The following ATAD5 variants were observed in gnomAD, a reference collection of about 807,000 sequenced individuals.
ATAD5 encodes ATPase family AAA domain-containing protein 5.
In ATAD5, 58 loss-of-function variants were observed where a neutral mutation model predicts 176.9. The observed-to-expected ratio is 0.33, with a 90% CI of 0.27 to 0.41. The LOEUF (loss-of-function observed/expected upper bound fraction) is 0.41, where lower values mean the gene tolerates loss of function less well. ATAD5 is among the 10% of genes least tolerant of loss of function. ATAD5 has a pLI of 1.00. For synonymous variants in ATAD5, 640 were observed against 712.6 expected (o/e 0.90, Z 1.62); for missense variants, 1,789 against 2,094.1 (o/e 0.85, Z 2.84).
intron 8 of ATAD5, among the ~76,000 whole-genome samples, chr17:30,857,445 A>C (rs1907349536): frequency 6.6e-6 from 1 of 152,026 alleles, no homozygotes; most frequent in African/African-American, 2.4e-5. Context: ...TGAACTCCCT[A>C]CTTCAGGTGA....
chr17:30,833,139 T>C (rs1333894813), intron 1 of ATAD5, among the ~76,000 whole-genome samples: 1 of 152,206 alleles, frequency 6.6e-6, no homozygotes, highest in Non-Finnish European at 1.5e-5. Flanking sequence ...CTGCGACCAG[T>C]TGTTTTTTTC....
At chr17:30,859,862 T>G (rs1907516203) in intron 9 of ATAD5, among the ~76,000 whole-genome samples, 1 of 146,622 alleles carries the variant, frequency 6.8e-6, no homozygotes, top group Admixed American at 7.1e-5. Flanking sequence ...TAGCTGAGAT[T>G]ACAGGCACAC....
chr17:30,850,833 T>TA (rs1906849991), intron 6 of ATAD5, among the ~76,000 whole-genome samples: 488 of 27,718 alleles, frequency 0.018, 22 homozygotes, highest in African/African-American at 0.04. Context: ...TTATATATTT[T>TA]TATATATATA....
Position 30,858,154 on chromosome 17 carries a change from A to G in ATAD5, c.2794-7A>G. On this transcript the variant is annotated splice_polypyrimidine_tract_variant and splice_region_variant and intron_variant, in intron 8 of 22. Transcript: ENST00000321990. ...TCTGTTATTGTGCATTTTATTCTTTATTGCAGTTCATGAGGACAAGGAAGG... is the reference window on the plus strand; with the variant it reads ...TCTGTTATTGTGCATTTTATTCTTTGTTGCAGTTCATGAGGACAAGGAAGG... 1 of 1,531,626 alleles carries G rather than the reference A, an allele frequency of 6.5e-7. No homozygotes were observed. Among genetic ancestry groups the G allele is most frequent in the Non-Finnish European group, 8.8e-7 (1 of 1,140,432 alleles). 94.9% of individuals were successfully genotyped at this position (1,531,626 alleles called of 1,614,324 possible). A position where few individuals can be genotyped will look rare whatever the true frequency, so the allele number is the denominator to read the frequency against.
intron 4 of ATAD5, among the ~76,000 whole-genome samples, chr17:30,842,892 C>T (rs1906217270): frequency 6.6e-6 from 1 of 152,036 alleles, no homozygotes; most frequent in Non-Finnish European, 1.5e-5. Flanking sequence ...TACAGGCATG[C>T]ACCATCACAC....
chr17:30,886,212 T>A lies in ATAD5; in HGVS notation c.4078-980T>A, dbSNP rs76779893. On this transcript the variant is annotated intron_variant, in intron 18 of 22. Transcript: ENST00000321990. ...GAATTGTCTTTGTTAGCTTTAAGTATTAAGGTTAAGCTGCCCTCAAAAAGA... is the reference window on the plus strand; with the variant it reads ...GAATTGTCTTTGTTAGCTTTAAGTAATAAGGTTAAGCTGCCCTCAAAAAGA... Among the ~76,000 whole-genome samples the A allele has an allele frequency of 7.3e-3, 1,109 of 151,408 alleles. 43 individuals are homozygous for A. Among genetic ancestry groups the A allele is most frequent in the Admixed American group, 0.055 (828 of 15,188 alleles).
Position 30,857,112 on chromosome 17 carries a change from G to C in ATAD5, c.2793G>C (p.Val931=), listed in dbSNP as rs1907333107. The stretch of plus-strand genomic sequence containing the variant: ...TGAAAAGCGGTAACTCTGCTGCTGT[G>C]GTAAGTATTAAATAGTTCATCCATT... ...SKLKSGNSAA[V]FMRTRKEFTE... is the part of the protein sequence containing the mutation. The change falls in exon 8 of 23, where the codon GTG becomes GTC. Residue 931 remains valine (V), a splice_region_variant and synonymous_variant. Transcript: ENST00000321990. The C allele has an allele frequency of 2.5e-6, 4 of 1,607,870 alleles. No homozygotes were observed. The highest frequency in any genetic ancestry group is 2.5e-6 in the Non-Finnish European group (3 of 1,178,578).
At chr17:30,852,597 T>C (rs968879861) in intron 6 of ATAD5, among the ~76,000 whole-genome samples, 42 of 152,300 alleles carry the variant, frequency 2.8e-4, no homozygotes, top group African/African-American at 1.0e-3. Flanking sequence ...GGCTCACAGC[T>C]CTGTAGATTG....
intron 6 of ATAD5, among the ~76,000 whole-genome samples, chr17:30,848,623 C>T (rs1302681226): frequency 6.6e-6 from 1 of 152,144 alleles, no homozygotes; most frequent in African/African-American, 2.4e-5. Flanking sequence ...GTGAAACCAC[C>T]ATAATCAAGA....
At chr17:30,856,335 A>G (rs1401946910) in intron 7 of ATAD5, among the ~76,000 whole-genome samples, 1 of 152,182 alleles carries the variant, frequency 6.6e-6, no homozygotes, top group Non-Finnish European at 1.5e-5. Context: ...AAGATTTAGG[A>G]TCTCGCCAGT....
chr17:30,893,341 T>C lies in ATAD5; in HGVS notation c.4488T>C (p.Leu1496=), dbSNP rs1195880592. The C allele has an allele frequency of 6.3e-7, 1 of 1,590,228 alleles. No individual in the cohort carries two copies. Among genetic ancestry groups the C allele is most frequent in the African/African-American group, 1.4e-5 (1 of 73,682 alleles). The part of the protein sequence containing the change: ...KEEWHKFIQL[L]TEFQMRNVDF... ...AATGGCATAAATTCATCCAGCTTCT[T>C]ACAGAATTCCAAATGCGGAATGTAG... Residue 1496 remains leucine, a synonymous_variant, in exon 21 of 23, where the codon CTT becomes CTC. Coordinates refer to ENST00000321990, the MANE Select transcript of ATAD5 (RefSeq NM_024857.5).
At chr17:30,838,062 ATG>A (rs1296679063) in intron 3 of ATAD5, among the ~76,000 whole-genome samples, 1 of 152,230 alleles carries the variant, frequency 6.6e-6, no homozygotes, top group African/African-American at 2.4e-5. Flanking sequence ...TATCCATAAG[ATG>A]CCAGTAGCAC....
At chr17:30,880,476 C>T (rs1908946907) in intron 18 of ATAD5, among the ~76,000 whole-genome samples, 1 of 151,794 alleles carries the variant, frequency 6.6e-6, no homozygotes, top group African/African-American at 2.4e-5. Context: ...GGCGTGGTGG[C>T]GCATGCCTGT....
intron 14 of ATAD5, among the ~76,000 whole-genome samples, chr17:30,874,577 G>A: frequency 6.8e-6 from 1 of 146,426 alleles, no homozygotes; most frequent in East Asian, 2.0e-4. Context: ...AGGAAAAAAT[G>A]GTGTTTTTTA....
At chr17:30,863,664 CTT>C (rs58611804) in intron 10 of ATAD5, among the ~76,000 whole-genome samples, 35 of 107,246 alleles carry the variant, frequency 3.3e-4, no homozygotes, top group African/African-American at 1.1e-3. Context: ...CCGCGTCCGG[CTT>C]TTTTTTTTTT....
chr17:30,868,183 TA>T, intron 11 of ATAD5, 149 bp from the exon 12 acceptor site: 1 of 535,302 alleles, frequency 1.9e-6, no homozygotes, highest in Non-Finnish European at 3.0e-6. Context: ...GCTGTACTAG[TA>T]AAAATAACAA....
chr17:30,840,627 C>T lies in ATAD5; in HGVS notation c.2087C>T (p.Thr696Ile). ...FTSQIRKASNTSKNISKAKQL... is the reference protein window; with the variant it reads ...FTSQIRKASNISKNISKAKQL... ...CAATTTTTTGTTTAGGCAAGCAATA[C>T]TTCAAAAAACATATCAAAAGCAAAA... Residue 696 changes from threonine to isoleucine, a missense_variant, in exon 4 of 23, where the codon ACT becomes ATT. This residue lies in a region of ATAD5 where 487 missense variants were observed against 573.6 expected (regional missense o/e 0.85). Coordinates refer to ENST00000321990, the MANE Select transcript of ATAD5 (RefSeq NM_024857.5). The T allele has an allele frequency of 6.5e-7, 1 of 1,530,864 alleles. No individual in the cohort carries two copies. Among genetic ancestry groups the T allele is most frequent in the Non-Finnish European group, 8.8e-7 (1 of 1,138,302 alleles). 94.8% of individuals were successfully genotyped at this position (1,530,864 alleles called of 1,614,324 possible).
intron 6 of ATAD5, among the ~76,000 whole-genome samples, chr17:30,850,172 A>G (rs564702183): frequency 3.6e-4 from 55 of 152,120 alleles, no homozygotes; most frequent in Admixed American, 5.2e-4. Context: ...CTCTTCTTCA[A>G]AATTTGAAAA....
intron 18 of ATAD5, among the ~76,000 whole-genome samples, chr17:30,880,517 A>ATT (rs1243005480): frequency 1.3e-5 from 2 of 151,848 alleles, no homozygotes; most frequent in East Asian, 3.9e-4. Context: ...CTGTGGCAGG[A>ATT]GAATCGCTTG....
Sources: allele counts gnomAD v4.1 joint callset (sites outside exome capture counted in the v4.1 genomes callset), GRCh38; gene constraint gnomAD v4.1.1; regional missense constraint gnomAD v4.1.1; transcripts MANE v1.5; gene names NCBI Gene and HGNC (gene_info 2026-07-23, HGNC 2026-07-21).